Variants in GRHL2 observed in about 807,000 individuals in gnomAD.
The protein encoded by GRHL2 is grainyhead-like protein 2 homolog.
GRHL2 carries 21 observed loss-of-function variants against 83.8 expected under a neutral mutation model. The ratio of observed to expected loss-of-function variants is 0.25; its 90% confidence interval spans 0.18 to 0.36. The LOEUF is 0.36. GRHL2 is among the 10% of genes least tolerant of loss of function. The pLI is 1.00. For synonymous variants in GRHL2, 280 were observed against 278.9 expected, an observed-to-expected ratio of 1.00 and a Z score of -0.04; for missense variants, 623 against 781.8, an observed-to-expected ratio of 0.80 and a Z score of 2.42.
chr8:101,648,696 C>T (rs1469131556), intron 13 of GRHL2, among the ~76,000 whole-genome samples: 5 of 152,276 alleles, frequency 3.3e-5, no homozygotes, highest in South Asian at 4.1e-4. Flanking sequence ...GACAGTGCCC[C>T]GTCTCCCTCC....
intron 1 of GRHL2, among the ~76,000 whole-genome samples, chr8:101,523,257 T>C (rs1459944384): frequency 6.6e-6 from 1 of 151,754 alleles, no homozygotes; most frequent in Non-Finnish European, 1.5e-5. Context: ...TTTTTTTTTT[T>C]CCATACAGGT....
chr8:101,557,447 C>A (rs1811512084), intron 3 of GRHL2, among the ~76,000 whole-genome samples: 1 of 152,112 alleles, frequency 6.6e-6, no homozygotes, highest in Non-Finnish European at 1.5e-5. Flanking sequence ...TGGTCTGGAA[C>A]TCCTGACCAC....
At chr8:101,510,266 G>T (rs893742555) in intron 1 of GRHL2, among the ~76,000 whole-genome samples, 2 of 152,064 alleles carry the variant, frequency 1.3e-5, no homozygotes, top group Admixed American at 1.3e-4. Context: ...CAAAGTGGTG[G>T]GATTACAGGC....
intron 1 of GRHL2, among the ~76,000 whole-genome samples, chr8:101,499,756 G>A (rs1400692445): frequency 6.6e-6 from 1 of 152,102 alleles, no homozygotes; most frequent in Non-Finnish European, 1.5e-5. Context: ...CTTTTAAAGA[G>A]GTTTTCAATG....
intron 7 of GRHL2, among the ~76,000 whole-genome samples, chr8:101,585,299 A>C (rs1291019082): frequency 1.3e-5 from 2 of 152,250 alleles, no homozygotes; most frequent in Non-Finnish European, 2.9e-5. Flanking sequence ...CTTTAAAAAT[A>C]ACTCAAGTAA....
chr8:101,550,191 A>T (rs530792972), intron 2 of GRHL2, among the ~76,000 whole-genome samples: 43 of 146,364 alleles, frequency 2.9e-4, no homozygotes, highest in Middle Eastern at 3.5e-3. Flanking sequence ...TTTTTTTTTT[A>T]AAAAAATTAT....
chr8:101,535,062 A>T (rs1811015280), intron 1 of GRHL2, among the ~76,000 whole-genome samples: 1 of 152,206 alleles, frequency 6.6e-6, no homozygotes, highest in Non-Finnish European at 1.5e-5. Context: ...GACAGGTTGA[A>T]TCACTTGTTC....
At chr8:101,611,804 C>T (rs1022575074) in intron 8 of GRHL2, among the ~76,000 whole-genome samples, 4 of 150,718 alleles carry the variant, frequency 2.7e-5, no homozygotes, top group African/African-American at 5.0e-5. Flanking sequence ...TTTTCCTCAC[C>T]ACTCCCTGCC....
intron 6 of GRHL2, among the ~76,000 whole-genome samples, chr8:101,574,224 T>C (rs1021245818): frequency 2.6e-5 from 4 of 152,216 alleles, no homozygotes; most frequent in African/African-American, 9.6e-5. Context: ...TCACTCTGAA[T>C]CCCTGGGCCT....
At chr8:101,612,035 G>T (rs1812760549) in intron 8 of GRHL2, among the ~76,000 whole-genome samples, 1 of 150,862 alleles carries the variant, frequency 6.6e-6, no homozygotes, top group Non-Finnish European at 1.5e-5. Flanking sequence ...ACCTAGGCTG[G>T]ATGGAGTGCA....
chr8:101,646,834 G>A (rs2129681583), intron 13 of GRHL2, among the ~76,000 whole-genome samples: 1 of 152,370 alleles, frequency 6.6e-6, no homozygotes, highest in Non-Finnish European at 1.5e-5. Flanking sequence ...CAGACACAGA[G>A]TAATGAAAGC....
At chr8:101,572,505 T>C (rs1404910174) in intron 5 of GRHL2, among the ~76,000 whole-genome samples, 1 of 152,162 alleles carries the variant, frequency 6.6e-6, no homozygotes, top group African/African-American at 2.4e-5. Flanking sequence ...CATAATCCTG[T>C]CAGGAGGCCA....
chr8:101,676,634 A>G, the GRHL2 span, among the ~76,000 whole-genome samples: 1 of 152,192 alleles, frequency 6.6e-6, no homozygotes, highest in Non-Finnish European at 1.5e-5. Context: ...TAGTTCAACC[A>G]TTGTGGAAGT....
At chr8:101,509,346 G>T (rs1810419201) in intron 1 of GRHL2, among the ~76,000 whole-genome samples, 1 of 150,874 alleles carries the variant, frequency 6.6e-6, no homozygotes. Context: ...CCAGGGCCCT[G>T]CAATTAAACT....
In GRHL2 at chr8:101,494,792, G is replaced by A. The variant is rs79494753; in HGVS notation, c.20+2003G>A. ...CATCAGAAATAAGTACTGAGCGCCC[G>A]CAATCTGGTTTCACCACACGCATCA... On this transcript the variant is annotated intron_variant, in intron 1 of 15. Transcript: ENST00000646743. Among the ~76,000 whole-genome samples the A allele has an allele frequency of 9.8e-3, 1,486 of 152,278 alleles. 22 individuals are homozygous for A. Among genetic ancestry groups the A allele is most frequent in the African/African-American group, 0.034 (1,411 of 41,528 alleles).
At chr8:101,604,509 CTG>C (rs1270387474) in intron 8 of GRHL2, among the ~76,000 whole-genome samples, 2 of 152,198 alleles carry the variant, frequency 1.3e-5, no homozygotes, top group African/African-American at 4.8e-5. Context: ...ACAACGACCT[CTG>C]TCATGTGACC....
chr8:101,638,529 C>A (rs1431187961), intron 12 of GRHL2, among the ~76,000 whole-genome samples: 2 of 152,204 alleles, frequency 1.3e-5, no homozygotes, highest in African/African-American at 4.8e-5. Context: ...TGACTAGTTA[C>A]AACAGAGACC....
chr8:101,673,680 T>G (rs932628851), downstream of GRHL2, among the ~76,000 whole-genome samples: 2 of 151,986 alleles, frequency 1.3e-5, no homozygotes, highest in African/African-American at 2.4e-5. Flanking sequence ...TACCCAGGAA[T>G]TGAACTCAGC....
chr8:101,641,303 T>G (rs1410044527), intron 12 of GRHL2, among the ~76,000 whole-genome samples: 1 of 152,096 alleles, frequency 6.6e-6, no homozygotes, highest in East Asian at 1.9e-4. Context: ...AGATGACCTG[T>G]TTTCTGAGGA....
Sources: gnomAD v4.1 joint callset for allele counts (sites outside exome capture counted in the v4.1 genomes callset) on GRCh38, gnomAD v4.1.1 for gene constraint, MANE v1.5 for transcripts, NCBI Gene and HGNC (gene_info 2026-07-23, HGNC 2026-07-21) for gene names.